The following ATRNL1 variants were observed in gnomAD, a reference collection of about 807,000 sequenced individuals.
The protein encoded by ATRNL1 is attractin-like protein 1.
Under a neutral mutation model 182.7 loss-of-function variants are expected in ATRNL1, and 95 were observed. The observed-to-expected ratio is 0.52, with a 90% CI of 0.44 to 0.62. The LOEUF (loss-of-function observed/expected upper bound fraction) is 0.62. Ranked by LOEUF, ATRNL1 falls within the 20% of genes least tolerant of loss-of-function variation. ATRNL1 has a pLI of 0.00. For synonymous variants in ATRNL1, 576 were observed against 568.3 expected, an observed-to-expected ratio of 1.01 and a Z score of -0.19; for missense variants, 1,471 against 1,679.5, an observed-to-expected ratio of 0.88 and a Z score of 2.17.
At chr10:115,207,716 T>C (rs1848855605) in intron 8 of ATRNL1, among the ~76,000 whole-genome samples, 1 of 152,052 alleles carries the variant, frequency 6.6e-6, no homozygotes, top group Non-Finnish European at 1.5e-5. Context: ...GACTCCACTG[T>C]CCTCTGACTT....
intron 21 of ATRNL1, among the ~76,000 whole-genome samples, chr10:115,434,531 A>C (rs2134424162): frequency 6.6e-6 from 1 of 152,306 alleles, no homozygotes; most frequent in Non-Finnish European, 1.5e-5. Context: ...GTAAGCAAAA[A>C]GTTTTTATAT....
intron 26 of ATRNL1, among the ~76,000 whole-genome samples, chr10:115,577,029 A>C (rs1555005442): frequency 1.3e-5 from 2 of 151,866 alleles, no homozygotes; most frequent in African/African-American, 4.8e-5. Flanking sequence ...CCTTGTGGAA[A>C]ATAACTTACT....
intron 5 of ATRNL1, among the ~76,000 whole-genome samples, chr10:115,136,730 A>T (rs1554876777): frequency 6.6e-6 from 1 of 152,172 alleles, no homozygotes; most frequent in Non-Finnish European, 1.5e-5. Flanking sequence ...TGACTTGACA[A>T]GATATGTTTA....
intron 20 of ATRNL1, among the ~76,000 whole-genome samples, chr10:115,421,052 A>G (rs1361285496): frequency 3.3e-5 from 5 of 152,158 alleles, no homozygotes; most frequent in African/African-American, 1.2e-4. Flanking sequence ...AATCAGTAAA[A>G]CAAAGACTCC....
intron 5 of ATRNL1, among the ~76,000 whole-genome samples, chr10:115,131,993 C>T (rs1845260211): frequency 6.6e-6 from 1 of 152,034 alleles, no homozygotes; most frequent in African/African-American, 2.4e-5. Flanking sequence ...AGGTTTGTTA[C>T]ATATGTATAC....
intron 26 of ATRNL1, among the ~76,000 whole-genome samples, chr10:115,563,506 A>G (rs1290102658): frequency 2.0e-5 from 3 of 152,188 alleles, no homozygotes; most frequent in Admixed American, 6.5e-5. Context: ...ATTTAAACCT[A>G]ATACAGAATT....
intron 26 of ATRNL1, among the ~76,000 whole-genome samples, chr10:115,726,934 A>C (rs1422501327): frequency 6.6e-6 from 1 of 151,990 alleles, no homozygotes; most frequent in Non-Finnish European, 1.5e-5. Context: ...CATCACTGTA[A>C]TAACACTTTT....
chr10:115,133,335 C>T (rs1845347879), intron 5 of ATRNL1, among the ~76,000 whole-genome samples: 1 of 151,966 alleles, frequency 6.6e-6, no homozygotes, highest in African/African-American at 2.4e-5. Context: ...GTTACTATAG[C>T]CTTGTAATAT....
intron 15 of ATRNL1, among the ~76,000 whole-genome samples, chr10:115,295,941 C>A (rs1383329036): frequency 6.6e-6 from 1 of 152,060 alleles, no homozygotes; most frequent in Admixed American, 6.5e-5. Context: ...AGAGGTGGCT[C>A]TGGTCTCAAC....
At chr10:115,722,454 C>A (rs782769320) in intron 26 of ATRNL1, among the ~76,000 whole-genome samples, 16 of 152,134 alleles carry the variant, frequency 1.1e-4, no homozygotes, top group Non-Finnish European at 1.9e-4. Context: ...GAAAACCATG[C>A]TTTCCTAATT....
chr10:115,804,907 T>C (rs1949884347), intron 27 of ATRNL1, among the ~76,000 whole-genome samples: 1 of 152,220 alleles, frequency 6.6e-6, no homozygotes, highest in Admixed American at 6.5e-5. Context: ...GTCTAAGTTA[T>C]AGTTTAGTCT....
chr10:115,924,044 A>C (rs1953146469), intron 28 of ATRNL1, among the ~76,000 whole-genome samples: 1 of 152,194 alleles, frequency 6.6e-6, no homozygotes. Context: ...GGCTGTGCAA[A>C]TGTCTTCTTT....
At chr10:115,143,007 G>A (rs1554878415) in intron 5 of ATRNL1, among the ~76,000 whole-genome samples, 1 of 152,100 alleles carries the variant, frequency 6.6e-6, no homozygotes, top group Non-Finnish European at 1.5e-5. Flanking sequence ...ATAGTGAGGA[G>A]GCAGTTGGAT....
In ATRNL1 at chr10:115,367,620, C is replaced by T. The variant is rs1041454531; in HGVS notation, c.3176-27039C>T. Among the ~76,000 whole-genome samples the T allele has an allele frequency of 5.3e-5, 8 of 150,966 alleles. No homozygotes were observed. The East Asian group carries it at 1.6e-3, about 29-fold the overall frequency. On this transcript the variant is annotated intron_variant, in intron 19 of 28. Coordinates refer to ENST00000355044, the MANE Select transcript of ATRNL1 (RefSeq NM_207303.4). ...CTGCCTTTTAGAGTTTCCAGTTTTT[C>T]TGTTCTGTTTTTTCCCCATCTTTGT...
chr10:115,608,826 CTT>C (rs1857002305), intron 26 of ATRNL1, among the ~76,000 whole-genome samples: 1 of 151,300 alleles, frequency 6.6e-6, no homozygotes. Context: ...CAAAAATACA[CTT>C]TGGACTTTGC....
intron 28 of ATRNL1, among the ~76,000 whole-genome samples, chr10:115,859,634 T>A (rs1439407736): frequency 6.6e-6 from 1 of 152,090 alleles, no homozygotes; most frequent in Non-Finnish European, 1.5e-5. Context: ...ATAGGGCCAG[T>A]GGTCCGTCAG....
At chr10:115,192,932 A>G (rs1219407580) in intron 8 of ATRNL1, among the ~76,000 whole-genome samples, 1 of 151,996 alleles carries the variant, frequency 6.6e-6, no homozygotes, top group Non-Finnish European at 1.5e-5. Flanking sequence ...TATCCCTGCA[A>G]CATTACTGGA....
intron 9 of ATRNL1, among the ~76,000 whole-genome samples, chr10:115,222,401 G>T (rs1849503945): frequency 6.6e-6 from 1 of 152,248 alleles, no homozygotes; most frequent in South Asian, 2.1e-4. Flanking sequence ...ATTATTTTAA[G>T]TGATAATGAA....
intron 24 of ATRNL1, among the ~76,000 whole-genome samples, chr10:115,500,317 A>G (rs1414191479): frequency 1.3e-5 from 2 of 152,208 alleles, no homozygotes; most frequent in Non-Finnish European, 2.9e-5. Context: ...AAACAAATTG[A>G]AAACATTAGT....
Sources: allele counts gnomAD v4.1 joint callset (sites outside exome capture counted in the v4.1 genomes callset), GRCh38; gene constraint gnomAD v4.1.1; transcripts MANE v1.5; gene names NCBI Gene and HGNC (gene_info 2026-07-23, HGNC 2026-07-21).